The following TGM7 variants were observed in gnomAD, a reference collection of about 807,000 sequenced individuals.
TGM7 encodes transglutaminase 7, also known as protein-glutamine gamma-glutamyltransferase Z.
A neutral mutation model predicts 79.5 loss-of-function variants in TGM7; 74 were observed. The ratio of observed to expected loss-of-function variants is 0.93; its 90% CI spans 0.77 to 1.13. The LOEUF (loss-of-function observed/expected upper bound fraction) is 1.13, where lower values mean the gene tolerates loss of function less well. TGM7 is among the 50% of genes most tolerant of loss of function. The pLI is 0.00. For missense variants in TGM7, 912 were observed against 905.9 expected (o/e 1.01, Z -0.09); for synonymous variants, 354 against 362.5 (o/e 0.98, Z 0.27).
chr15:43,279,311 A>AC, intron 10 of TGM7, 34 bp from the exon 11 acceptor site: 1 of 1,603,682 alleles, frequency 6.2e-7, no homozygotes. Context: ...TGAGTCCAGG[A>AC]CATGGACCAG....
intron 6 of TGM7, among the ~76,000 whole-genome samples, chr15:43,285,563 C>G (rs937816687): frequency 1.3e-5 from 2 of 152,162 alleles, no homozygotes; most frequent in Non-Finnish European, 2.9e-5. Flanking sequence ...ACCCTCCTCC[C>G]ACCCTAGCTC....
chr15:43,279,548 TG>T, intron 10 of TGM7, 76 bp downstream of exon 10: 1 of 1,487,008 alleles, frequency 6.7e-7, no homozygotes. Flanking sequence ...GTAATCTGGC[TG>T]GGCCCACCCC....
intron 6 of TGM7, 105 bp from the exon 7 acceptor site, chr15:43,285,057 G>C (rs144143692): frequency 7.4e-7 from 1 of 1,351,008 alleles, no homozygotes; most frequent in African/African-American, 1.4e-5. Flanking sequence ...AAGCCAAGAC[G>C]CTTACGGAAC....
At chr15:43,299,866 C>G (rs1399366744) in intron 1 of TGM7, among the ~76,000 whole-genome samples, 2 of 152,152 alleles carry the variant, frequency 1.3e-5, no homozygotes, top group Non-Finnish European at 2.9e-5. Context: ...AGATTACTGC[C>G]GTGTTCTGTG....
chr15:43,283,181 T>C (rs1024292040), intron 7 of TGM7, among the ~76,000 whole-genome samples: 2 of 152,250 alleles, frequency 1.3e-5, no homozygotes, highest in Non-Finnish European at 2.9e-5. Flanking sequence ...CTTCAGTGTG[T>C]ATTTCCTGAG....
chr15:43,284,565 C>T (rs183036418), intron 7 of TGM7, among the ~76,000 whole-genome samples: 1 of 152,292 alleles, frequency 6.6e-6, no homozygotes, highest in East Asian at 1.9e-4. Flanking sequence ...TCAGAAGACG[C>T]CCAGCTAGTC....
chr15:43,277,119 C>T, intron 11 of TGM7, 124 bp from the exon 12 acceptor site: 1 of 1,276,136 alleles, frequency 7.8e-7, no homozygotes, highest in Non-Finnish European at 1.1e-6. Context: ...TAATGTGCCA[C>T]AGTGGCGAGG....
At position 43,284,938 on chromosome 15, in the gene TGM7, C is replaced by T; in HGVS notation, c.880G>A (p.Gly294Ser). The T allele has an allele frequency of 6.2e-7, 1 of 1,614,120 alleles. No individual in the cohort carries two copies. The highest frequency in any genetic ancestry group is 8.5e-7 in the Non-Finnish European group (1 of 1,179,978). The change falls in exon 7 of 13, where the codon GGT (glycine) becomes AGT (serine). Residue 294 changes from glycine to serine, a missense_variant. Physicochemically the swap from Gly to Ser is moderately conservative, Grantham distance 56. Transcript: ENST00000452443. ...TTGGAAACAACACGGGTTGGAACAC[C>T]TAAGCATCTCATTACTAAAGAGAAA... ...SVMCTVMRCL[G>S]VPTRVVSNFR...
At position 43,282,630 on chromosome 15, in the gene TGM7, G is replaced by A; in HGVS notation, c.1005-10C>T. On this transcript the variant is annotated splice_polypyrimidine_tract_variant and intron_variant, in intron 7 of 12. Coordinates refer to ENST00000452443, the MANE Select transcript of TGM7 (RefSeq NM_052955.3). ...CCAGACGTGGAAGTTCCTGCAGGAG[G>A]GAGTAAGGAGACAAGGATTCATGTT... 6.3e-7 allele frequency: 1 copy of A among 1,580,338 alleles called. No homozygotes were observed. Among genetic ancestry groups the A allele is most frequent in the Non-Finnish European group, 8.6e-7 (1 of 1,161,266 alleles).
In TGM7 at chr15:43,291,966, G is replaced by T. The variant is rs985284726; in HGVS notation, c.558+13C>A. The T allele has an allele frequency of 3.1e-6, 5 of 1,603,690 alleles. No individual in the cohort carries two copies. Among genetic ancestry groups the T allele is most frequent in the African/African-American group, 2.7e-5 (2 of 74,766 alleles). On this transcript the variant is annotated intron_variant, in intron 4 of 12. Transcript: ENST00000452443. The stretch of plus-strand genomic sequence containing the variant: ...GGAGCCCACCCCAGGCCCACATTGG[G>T]TAATAGTGTTACCTGCCCGTAGTTC...
intron 1 of TGM7, among the ~76,000 whole-genome samples, chr15:43,294,020 G>A (rs970512173): frequency 3.3e-5 from 5 of 152,028 alleles, no homozygotes; most frequent in Middle Eastern, 3.4e-3. Flanking sequence ...TCCCCAAAAG[G>A]GAAACAATTC....
Position 43,284,868 on chromosome 15 carries a change from G to C in TGM7, c.950C>G (p.Thr317Arg), listed in dbSNP as rs141417409. Residue 317 changes from threonine to arginine, a missense_variant, in exon 7 of 13, where the codon ACG (threonine) becomes AGG (arginine). By Grantham distance (71) the Thr-to-Arg change is moderately conservative. Transcript: ENST00000452443. ...HNVDRNLTIDTYYDRNAEMLS... is the reference protein window; with the variant it reads ...HNVDRNLTIDRYYDRNAEMLS... ...CATCTCGGCATTTCGGTCATAGTAC[G>C]TATCGATGGTCAAGTTCCTATCCAC... 2 of 1,614,124 alleles carry C rather than the reference G, an allele frequency of 1.2e-6. No individual in the cohort carries two copies. Among genetic ancestry groups the C allele is most frequent in the Admixed American group, 1.7e-5 (1 of 60,016 alleles).
At chr15:43,285,628 A>C (rs2042931690) in intron 6 of TGM7, among the ~76,000 whole-genome samples, 1 of 152,134 alleles carries the variant, frequency 6.6e-6, no homozygotes, top group Admixed American at 6.6e-5. Context: ...GGAGGTATGA[A>C]AGAAATTCGA....
chr15:43,284,668 G>A (rs1332178563), intron 7 of TGM7, 146 bp downstream of exon 7: 1 of 988,218 alleles, frequency 1.0e-6, no homozygotes, highest in African/African-American at 1.6e-5. Context: ...AGCCTCCTGG[G>A]TTGGGGAATT....
Position 43,292,694 on chromosome 15 carries a change from G to A in TGM7, c.439+15C>T. 6.2e-7 allele frequency: 1 copy of A among 1,613,380 alleles called. No homozygotes were observed. The highest frequency in any genetic ancestry group is 8.5e-7 in the Non-Finnish European group (1 of 1,179,516). On this transcript the variant is annotated intron_variant, in intron 3 of 12. Transcript: ENST00000452443. ...ATGGATCAGGTTAGCAATACAAGCT[G>A]TGGGCACATCCTACCTGGACTCCAA...
intron 1 of TGM7, among the ~76,000 whole-genome samples, chr15:43,300,098 T>C (rs2043018648): frequency 6.6e-6 from 1 of 152,232 alleles, no homozygotes; most frequent in South Asian, 2.1e-4. Flanking sequence ...CTAATCTCTT[T>C]GTGTCTCCAT....
In TGM7 at chr15:43,301,595, A is replaced by G. The variant is rs147129175; in HGVS notation, c.10+646T>C. On this transcript the variant is annotated intron_variant, in intron 1 of 12. Coordinates refer to ENST00000452443, the MANE Select transcript of TGM7 (RefSeq NM_052955.3). ...CAGTGAGCCGAGATCGCGCCATTGC[A>G]CTCCAGCCTGGGCTACAAAGGGAGA... Among the ~76,000 whole-genome samples, 702 of 148,330 alleles carry G rather than the reference A, an allele frequency of 4.7e-3. 1 individual carries two copies. The highest frequency in any genetic ancestry group is 5.2e-3 in the Non-Finnish European group (352 of 67,450).
intron 7 of TGM7, among the ~76,000 whole-genome samples, chr15:43,283,089 C>G (rs1191146868): frequency 6.6e-6 from 1 of 152,172 alleles, no homozygotes; most frequent in East Asian, 1.9e-4. Context: ...GAACACCCAT[C>G]TACCCAATTC....
At chr15:43,294,927 C>T (rs1415505272) in intron 1 of TGM7, among the ~76,000 whole-genome samples, 4 of 151,320 alleles carry the variant, frequency 2.6e-5, no homozygotes, top group Admixed American at 6.6e-5. Flanking sequence ...GAGACAGGGT[C>T]TCACTCTGCA....
Sources: allele counts gnomAD v4.1 joint callset (sites outside exome capture counted in the v4.1 genomes callset), GRCh38; gene constraint gnomAD v4.1.1; transcripts MANE v1.5; gene names NCBI Gene and HGNC (gene_info 2026-07-23, HGNC 2026-07-21).